ALK: variants seen among roughly 807,000 people sequenced by gnomAD.
ALK encodes ALK receptor tyrosine kinase.
A neutral mutation model predicts 163.1 loss-of-function variants in ALK; 74 were observed. That is an observed-to-expected ratio of 0.45 (90% CI 0.38 to 0.55). ALK has a LOEUF of 0.55. Ranked by LOEUF, ALK falls within the 20% of genes least tolerant of loss-of-function variation. The pLI, the probability that ALK is intolerant of heterozygous loss-of-function variation, is 0.00. For missense variants in ALK, 2,063 were observed against 2,105.3 expected, an observed-to-expected ratio of 0.98 and a Z score of 0.39; for synonymous variants, 960 against 843.2, an observed-to-expected ratio of 1.14 and a Z score of -2.40.
At chr2:29,580,561 C>T (rs144068229) in intron 3 of ALK, among the ~76,000 whole-genome samples, 5 of 152,256 alleles carry the variant, frequency 3.3e-5, no homozygotes, top group African/African-American at 4.8e-5. Flanking sequence ...ATTAGAGCCC[C>T]GTTATTACAG....
chr2:29,742,363 G>C (rs1330306837), intron 1 of ALK, among the ~76,000 whole-genome samples: 1 of 152,204 alleles, frequency 6.6e-6, no homozygotes, highest in African/African-American at 2.4e-5. Context: ...TGAGTTCACA[G>C]GCTGCTTGAC....
At chr2:29,718,991 C>A (rs927028998) in intron 1 of ALK, among the ~76,000 whole-genome samples, 1 of 152,188 alleles carries the variant, frequency 6.6e-6, no homozygotes, top group African/African-American at 2.4e-5. Context: ...GGTCTCCTAC[C>A]TCTAACCCCC....
In ALK at chr2:29,419,349, T is replaced by A. The variant is rs549455209; in HGVS notation, c.1155-35490A>T. On this transcript the variant is annotated intron_variant, in intron 4 of 28. Transcript: ENST00000389048. The stretch of plus-strand genomic sequence containing the variant: ...GATTACAGGCATGAGCCACCGCAAC[T>A]GGCCAAGATGGTCATTTCCCCATGT... Among the ~76,000 whole-genome samples, 5 of 151,632 alleles carry A rather than the reference T, an allele frequency of 3.3e-5. No individual in the cohort carries two copies. In the East Asian group the frequency reaches 5.8e-4, roughly 18 times the overall value.
At chr2:29,263,205 T>C (rs982629164) in intron 11 of ALK, among the ~76,000 whole-genome samples, 1 of 152,200 alleles carries the variant, frequency 6.6e-6, no homozygotes, top group African/African-American at 2.4e-5. Context: ...TGTCTGCGGA[T>C]AGGAGAGATT....
chr2:29,200,053 T>C (rs990787287), intron 26 of ALK, among the ~76,000 whole-genome samples: 8 of 152,228 alleles, frequency 5.3e-5, no homozygotes, highest in African/African-American at 1.9e-4. Flanking sequence ...CGAGACAGAC[T>C]GGAATACATT....
intron 1 of ALK, among the ~76,000 whole-genome samples, chr2:29,747,664 A>G (rs1479314382): frequency 3.3e-5 from 5 of 152,246 alleles, no homozygotes; most frequent in African/African-American, 1.2e-4. Flanking sequence ...TAATGGAAAG[A>G]GCCCCAGAGA....
Position 29,550,554 on chromosome 2 carries a change from G to T in ALK, c.953-18438C>A, listed in dbSNP as rs997363454. Among the ~76,000 whole-genome samples the T allele has an allele frequency of 2.0e-5, 3 of 152,266 alleles. No homozygotes were observed. In the East Asian group the frequency reaches 5.8e-4, roughly 29 times the overall value. The stretch of plus-strand genomic sequence containing the variant: ...TACAGTTTTTGAATACATAGATAAG[G>T]CTGAAGAAGGTGACTTTGTATCTGA... On this transcript the variant is annotated intron_variant, in intron 3 of 28. Coordinates refer to ENST00000389048, the MANE Select transcript of ALK (RefSeq NM_004304.5).
chr2:29,310,256 T>G (rs77593148), intron 8 of ALK, among the ~76,000 whole-genome samples: 1,814 of 152,298 alleles, frequency 0.012, 21 homozygotes, highest in Non-Finnish European at 0.016. Flanking sequence ...GGCAGTCACT[T>G]AAACTCTTTA....
At chr2:29,763,963 T>G (rs1680787417) in intron 1 of ALK, among the ~76,000 whole-genome samples, 1 of 152,174 alleles carries the variant, frequency 6.6e-6, no homozygotes, top group Admixed American at 6.5e-5. Context: ...ACACCCTGTT[T>G]ATTCTGCTCT....
chr2:29,648,944 T>C (rs1364255367), intron 3 of ALK, among the ~76,000 whole-genome samples: 2 of 152,176 alleles, frequency 1.3e-5, no homozygotes, highest in Non-Finnish European at 2.9e-5. Flanking sequence ...AATTCTAAAT[T>C]GGAAATTATT....
At chr2:29,294,037 G>A (rs1344796604) in intron 9 of ALK, among the ~76,000 whole-genome samples, 2 of 152,214 alleles carry the variant, frequency 1.3e-5, no homozygotes, top group Non-Finnish European at 2.9e-5. Context: ...AGTAGGTGCT[G>A]AATAGCTGAA....
chr2:29,758,623 T>C (rs1170183815), intron 1 of ALK, among the ~76,000 whole-genome samples: 2 of 152,176 alleles, frequency 1.3e-5, no homozygotes, highest in East Asian at 3.9e-4. Context: ...CTTGGCTCCC[T>C]CCTCGGCTCC....
chr2:29,200,781 A>ATACGTATATGTG (rs1553389143), intron 26 of ALK, among the ~76,000 whole-genome samples: 2 of 136,700 alleles, frequency 1.5e-5, no homozygotes, highest in African/African-American at 5.4e-5. Context: ...ACGTATATAT[A>ATACGTATATGTG]TGTATATACA....
chr2:29,321,360 G>A (rs529033643), intron 6 of ALK, among the ~76,000 whole-genome samples: 2 of 152,210 alleles, frequency 1.3e-5, no homozygotes, highest in Admixed American at 6.5e-5. Flanking sequence ...AGACTGTGGT[G>A]GTGGTTGTGG....
chr2:29,656,951 T>C (rs4273184), intron 3 of ALK, among the ~76,000 whole-genome samples: 25,649 of 152,212 alleles, frequency 0.17, 5,275 homozygotes, highest in African/African-American at 0.49. Flanking sequence ...TGTCTCCCTC[T>C]TCTGCTTCCT....
At chr2:29,855,312 T>G (rs1401716398) in intron 1 of ALK, among the ~76,000 whole-genome samples, 2 of 152,130 alleles carry the variant, frequency 1.3e-5, no homozygotes, top group South Asian at 4.1e-4. Context: ...TACATCTGAG[T>G]CAGAATGAAT....
At chr2:29,664,849 T>TA (rs989697922) in intron 3 of ALK, among the ~76,000 whole-genome samples, 1 of 152,146 alleles carries the variant, frequency 6.6e-6, no homozygotes, top group Non-Finnish European at 1.5e-5. Context: ...ATTACTATAA[T>TA]AGTCTTCCAT....
chr2:29,225,807 G>A (rs1663965245), intron 18 of ALK, among the ~76,000 whole-genome samples: 1 of 152,164 alleles, frequency 6.6e-6, no homozygotes. Flanking sequence ...TATCAGTGGC[G>A]GGATGTTGGT....
At chr2:29,231,924 G>C (rs1314408889) in intron 15 of ALK, among the ~76,000 whole-genome samples, 1 of 152,168 alleles carries the variant, frequency 6.6e-6, no homozygotes, top group African/African-American at 2.4e-5. Flanking sequence ...GTACCATGGG[G>C]GTCTAGGAGG....
Sources: allele counts gnomAD v4.1 joint callset (sites outside exome capture counted in the v4.1 genomes callset), GRCh38; gene constraint gnomAD v4.1.1; transcripts MANE v1.5; gene names NCBI Gene and HGNC (gene_info 2026-07-23, HGNC 2026-07-21).